STK32B: variants seen among roughly 807,000 people sequenced by gnomAD.
STK32B encodes serine/threonine kinase 32B.
Under a neutral mutation model 52.6 loss-of-function variants are expected in STK32B, and 43 were observed. That is an observed-to-expected ratio of 0.82 (90% CI 0.64 to 1.05). The LOEUF (loss-of-function observed/expected upper bound fraction) is 1.05. STK32B is among the 50% of genes least tolerant of loss of function. STK32B has a pLI of 0.00. For missense variants in STK32B, 621 were observed against 534.6 expected (o/e 1.16, Z -1.59); for synonymous variants, 238 against 204.3 (o/e 1.17, Z -1.41).
intron 1 of STK32B, among the ~76,000 whole-genome samples, chr4:5,108,868 A>G (rs1228319261): frequency 1.3e-5 from 2 of 152,204 alleles, no homozygotes; most frequent in East Asian, 1.9e-4. Context: ...AGTGGCTAAA[A>G]CAATAATTAG....
intron 4 of STK32B, among the ~76,000 whole-genome samples, chr4:5,333,187 T>TCTAA (rs953265051): frequency 6.6e-6 from 1 of 152,162 alleles, no homozygotes; most frequent in African/African-American, 2.4e-5. Flanking sequence ...TGATTGCCAT[T>TCTAA]CTAACTGGTG....
chr4:5,256,237 A>C (rs1202181201), intron 3 of STK32B, among the ~76,000 whole-genome samples: 1 of 152,194 alleles, frequency 6.6e-6, no homozygotes, highest in Non-Finnish European at 1.5e-5. Flanking sequence ...CAGATGTTTC[A>C]TCTCACAAGC....
chr4:5,314,759 T>C (rs1300859046), intron 3 of STK32B, among the ~76,000 whole-genome samples: 2 of 151,992 alleles, frequency 1.3e-5, no homozygotes, highest in Non-Finnish European at 2.9e-5. Flanking sequence ...AGAAAATAGA[T>C]AGAACCAGTC....
At chr4:5,255,870 A>G (rs933515548) in intron 3 of STK32B, among the ~76,000 whole-genome samples, 1 of 152,194 alleles carries the variant, frequency 6.6e-6, no homozygotes, top group South Asian at 2.1e-4. Context: ...TTCTATGAAT[A>G]AAGCTGCTGT....
chr4:5,494,227 G>C (rs1162067189), intron 11 of STK32B, among the ~76,000 whole-genome samples: 1 of 152,052 alleles, frequency 6.6e-6, no homozygotes, highest in Admixed American at 6.6e-5. Flanking sequence ...TATCTTTGTG[G>C]GTCACTCAGG....
At chr4:5,068,962 T>C (rs1026683332) in intron 1 of STK32B, among the ~76,000 whole-genome samples, 15 of 152,340 alleles carry the variant, frequency 9.8e-5, no homozygotes, top group African/African-American at 3.4e-4. Flanking sequence ...ATTTCCAGTA[T>C]ATAGTATGTT....
chr4:5,144,762 A>G (rs1453943542), intron 2 of STK32B, among the ~76,000 whole-genome samples: 2 of 150,650 alleles, frequency 1.3e-5, no homozygotes, highest in Non-Finnish European at 3.0e-5. Flanking sequence ...GCTTAGGTTC[A>G]TTTGTTAATT....
At chr4:5,351,044 C>A (rs1733790556) in intron 4 of STK32B, among the ~76,000 whole-genome samples, 1 of 151,988 alleles carries the variant, frequency 6.6e-6, no homozygotes, top group Non-Finnish European at 1.5e-5. Context: ...CCACTTGCAG[C>A]ATTAGACATA....
chr4:5,051,187 G>C (rs780126059), upstream of STK32B, among the ~76,000 whole-genome samples: 1 of 152,098 alleles, frequency 6.6e-6, no homozygotes, highest in East Asian at 1.9e-4. Context: ...ACAGACCTAA[G>C]AGCCCCTCTA....
rs868512060 is a variant in STK32B, at chr4:5,316,911, A to G, written c.261-14309A>G. Among the ~76,000 whole-genome samples the G allele has an allele frequency of 2.4e-3, 49 of 20,832 alleles. 3 individuals carry two copies. Among genetic ancestry groups the G allele is most frequent in the Admixed American group, 3.3e-3 (4 of 1,196 alleles). The allele number at this position is 20,832 out of a possible 152,430, so 13.7% of individuals were successfully genotyped here. The stretch of plus-strand genomic sequence containing the variant: ...ATATATTATATATAATATATAATAT[A>G]TATGATATAATATATATAATATATA... On this transcript the variant is annotated intron_variant, in intron 3 of 11. Transcript: ENST00000282908.
At position 5,315,874 on chromosome 4, in the gene STK32B, T is replaced by G. The variant is rs189920799; in HGVS notation, c.261-15346T>G. 6.3e-3 allele frequency among the ~76,000 whole-genome samples: 958 copies of G among 151,004 alleles called. 9 individuals are homozygous for G. The highest frequency in any genetic ancestry group is 0.041 in the Middle Eastern group (12 of 294). ...TGCATGCCACCACGCCCAGCTAATT[T>G]TTGTATTTTTAGTAGAGATGGGGTT... On this transcript the variant is annotated intron_variant, in intron 3 of 11. Coordinates refer to ENST00000282908, the MANE Select transcript of STK32B (RefSeq NM_018401.3).
At chr4:5,319,651 G>T (rs1169655418) in intron 3 of STK32B, among the ~76,000 whole-genome samples, 4 of 152,178 alleles carry the variant, frequency 2.6e-5, no homozygotes, top group Non-Finnish European at 4.4e-5. Context: ...CTGGACCATT[G>T]TCCTTGCTCT....
intron 3 of STK32B, among the ~76,000 whole-genome samples, chr4:5,299,804 C>T (rs536901310): frequency 1.3e-5 from 2 of 152,168 alleles, no homozygotes; most frequent in Non-Finnish European, 2.9e-5. Context: ...TTTTAAAAAC[C>T]TGTCAACCAA....
At chr4:5,451,131 G>T (rs1715956207) in intron 7 of STK32B, among the ~76,000 whole-genome samples, 1 of 152,224 alleles carries the variant, frequency 6.6e-6, no homozygotes, top group Admixed American at 6.5e-5. Flanking sequence ...CACAGGAGAT[G>T]TGCGGATTAT....
At chr4:5,480,014 A>G (rs1356449537) in intron 11 of STK32B, among the ~76,000 whole-genome samples, 2 of 152,206 alleles carry the variant, frequency 1.3e-5, no homozygotes, top group African/African-American at 4.8e-5. Context: ...AAAATGGGGT[A>G]TTAATATGTA....
At chr4:5,310,013 A>C (rs1456910673) in intron 3 of STK32B, among the ~76,000 whole-genome samples, 1 of 152,060 alleles carries the variant, frequency 6.6e-6, no homozygotes, top group Admixed American at 6.6e-5. Context: ...TAAAAATACA[A>C]AAATTAGCCG....
At chr4:5,071,756 C>T (rs1180861378) in intron 1 of STK32B, among the ~76,000 whole-genome samples, 1 of 152,122 alleles carries the variant, frequency 6.6e-6, no homozygotes, top group Non-Finnish European at 1.5e-5. Flanking sequence ...CATTTTATTT[C>T]TTCCAGAAAA....
At chr4:5,119,253 C>T (rs1162310669) in intron 1 of STK32B, among the ~76,000 whole-genome samples, 1 of 152,192 alleles carries the variant, frequency 6.6e-6, no homozygotes, top group African/African-American at 2.4e-5. Context: ...GTTTAGCCAG[C>T]ACTTTCTGTG....
chr4:5,171,589 C>G (rs372086193), intron 3 of STK32B, among the ~76,000 whole-genome samples: 27,463 of 150,344 alleles, frequency 0.18, 3,219 homozygotes, highest in East Asian at 0.3. Context: ...GCTTGTTTTT[C>G]TCAGGTTTGT....
Sources: allele counts gnomAD v4.1 joint callset (sites outside exome capture counted in the v4.1 genomes callset), GRCh38; gene constraint gnomAD v4.1.1; transcripts MANE v1.5; gene names NCBI Gene and HGNC (gene_info 2026-07-23, HGNC 2026-07-21).